The following MPDZ variants were observed in gnomAD, a reference collection of about 807,000 sequenced individuals.
The protein encoded by MPDZ is multiple PDZ domain crumbs cell polarity complex component, also known as multiple PDZ domain protein.
MPDZ carries 234 observed loss-of-function variants against 239.1 expected under a neutral mutation model. That is an observed-to-expected ratio of 0.98 (90% CI 0.88 to 1.09). MPDZ has a LOEUF of 1.09. MPDZ is among the 50% of genes least tolerant of loss of function. MPDZ has a pLI of 0.00. For synonymous variants in MPDZ, 1,048 were observed against 881.3 expected, an observed-to-expected ratio of 1.19 and a Z score of -3.35; for missense variants, 3,175 against 2,510.0, an observed-to-expected ratio of 1.26 and a Z score of -5.66.
At chr9:13,133,940 G>C in intron 31 of MPDZ, 36 bp from the exon 32 acceptor site, 1 of 1,222,076 alleles carries the variant, frequency 8.2e-7, no homozygotes, top group Non-Finnish European at 1.1e-6. Flanking sequence ...AAGAGCAACT[G>C]AGTGTTAGGA....
intron 34 of MPDZ, 69 bp downstream of exon 34, chr9:13,126,447 A>C: frequency 9.6e-7 from 1 of 1,041,376 alleles, no homozygotes. Context: ...CTATGATCGC[A>C]GACACAAACA....
At position 13,108,965 on chromosome 9, in the gene MPDZ, G is replaced by A. The variant is rs765957875; in HGVS notation, c.6037C>T (p.Pro2013Ser). Reference sequence around the variant, plus strand: ...GCAAACACTGTTTTAACATAAATGGGTAAGTCTCCATGAGGGCTGCCATAT... The same window carrying A: ...GCAAACACTGTTTTAACATAAATGGATAAGTCTCCATGAGGGCTGCCATAT... ...GGYGSPHGDL[P>S]IYVKTVFAKG... The change falls in exon 46 of 47, where the codon CCC (proline) becomes TCC (serine). Residue 2013 changes from proline (P) to serine (S), a missense_variant. Transcript: ENST00000319217. The A allele has an allele frequency of 6.2e-7, 1 of 1,609,956 alleles. No individual in the cohort carries two copies. The highest frequency in any genetic ancestry group is 8.5e-7 in the Non-Finnish European group (1 of 1,177,876).
intron 32 of MPDZ, among the ~76,000 whole-genome samples, chr9:13,131,956 C>G (rs1367180539): frequency 6.6e-6 from 1 of 152,170 alleles, no homozygotes; most frequent in Non-Finnish European, 1.5e-5. Context: ...GGTTAATTGC[C>G]TCTTCTGTCT....
At chr9:13,165,300 C>T in intron 22 of MPDZ, 1 of 1,512,306 alleles carries the variant, frequency 6.6e-7, no homozygotes, top group Non-Finnish European at 8.9e-7. Flanking sequence ...TACAAAAGCA[C>T]AAAATTGTTT....
At position 13,137,946 on chromosome 9, in the gene MPDZ, C is replaced by T. The variant is rs761951178; in HGVS notation, c.4200+11G>A. 3.7e-6 allele frequency: 6 copies of T among 1,613,088 alleles called. No individual in the cohort carries two copies. In the African/African-American group the frequency reaches 4.0e-5, roughly 11 times the overall value. On this transcript the variant is annotated intron_variant, in intron 29 of 46. Coordinates refer to ENST00000319217, the MANE Select transcript of MPDZ (RefSeq NM_001378778.1). ...ACAAGAATAAATTCAAAATTTTCCA[C>T]AAAAACTTACCTCTAGAAGCTCATC...
intron 19 of MPDZ, 45 bp downstream of exon 19, chr9:13,183,373 A>T: frequency 6.6e-7 from 1 of 1,516,224 alleles, no homozygotes; most frequent in South Asian, 1.3e-5. Flanking sequence ...GGAAAATTAC[A>T]CACAAGACTT....
In MPDZ at chr9:13,196,215, G is replaced by A; in HGVS notation, c.1562C>T (p.Ser521Leu). 1 of 1,588,748 alleles carries A rather than the reference G, an allele frequency of 6.3e-7. No individual in the cohort carries two copies. The highest frequency in any genetic ancestry group is 8.6e-7 in the Non-Finnish European group (1 of 1,165,516). Reference sequence around the variant, plus strand: ...ATCTTCTATTTCTTCTATCTCAGCTGACAGTAATGGATACCCTGAAACAGT... The same window carrying A: ...ATCTTCTATTTCTTCTATCTCAGCTAACAGTAATGGATACCCTGAAACAGT... ...PTEEEGYPLLSAEIEEIEDAQ... is the reference protein window; with the variant it reads ...PTEEEGYPLLLAEIEEIEDAQ... The change falls in exon 13 of 47, where the codon TCA (serine) becomes TTA (leucine). Residue 521 changes from serine to leucine, a missense_variant. Coordinates refer to ENST00000319217, the MANE Select transcript of MPDZ (RefSeq NM_001378778.1).
At chr9:13,160,718 G>A (rs576202811) in intron 23 of MPDZ, among the ~76,000 whole-genome samples, 11 of 150,528 alleles carry the variant, frequency 7.3e-5, no homozygotes, top group East Asian at 4.0e-4. Context: ...GTATCCTTGG[G>A]TCCAACATCC....
intron 10 of MPDZ, 27 bp from the exon 11 acceptor site, chr9:13,206,126 G>C (rs1219505201): frequency 6.8e-7 from 1 of 1,477,606 alleles, no homozygotes; most frequent in East Asian, 2.3e-5. Flanking sequence ...AAAAAAGCAT[G>C]TTACATGTTA....
At chr9:13,254,823 G>A (rs1405409263) in intron 1 of MPDZ, among the ~76,000 whole-genome samples, 1 of 152,180 alleles carries the variant, frequency 6.6e-6, no homozygotes, top group Non-Finnish European at 1.5e-5. Context: ...AGCCTTTGGT[G>A]AGTCACAGTC....
chr9:13,117,572 T>A (rs1209850101), intron 39 of MPDZ, among the ~76,000 whole-genome samples: 2 of 150,798 alleles, frequency 1.3e-5, no homozygotes, highest in Non-Finnish European at 2.9e-5. Context: ...TTCAAACAAA[T>A]ACATGTTTGC....
At chr9:13,229,606 C>A (rs73647117) in intron 3 of MPDZ, among the ~76,000 whole-genome samples, 5,273 of 146,222 alleles carry the variant, frequency 0.036, 156 homozygotes, top group East Asian at 0.16. Flanking sequence ...ACACACACAC[C>A]CCCATCCACC....
intron 16 of MPDZ, 29 bp downstream of exon 16, chr9:13,190,084 TA>T: frequency 6.3e-7 from 1 of 1,585,956 alleles, no homozygotes; most frequent in Non-Finnish European, 8.6e-7. Context: ...AATAGGCCTT[TA>T]AAAATTGTTA....
At chr9:13,139,801 C>T in intron 28 of MPDZ, 186 bp downstream of exon 28, 1 of 678,250 alleles carries the variant, frequency 1.5e-6, no homozygotes, top group Non-Finnish European at 2.6e-6. Flanking sequence ...AAAGGAAGAG[C>T]ATGATTTCAT....
At chr9:13,126,918 T>C (rs1328298859) in intron 32 of MPDZ, 146 bp from the exon 33 acceptor site, 2 of 639,404 alleles carry the variant, frequency 3.1e-6, no homozygotes, top group East Asian at 2.8e-5. Context: ...ATCTTAGAAA[T>C]CTTGTCTTTT....
chr9:13,169,289 C>G (rs1332528461), intron 21 of MPDZ, among the ~76,000 whole-genome samples: 1 of 152,104 alleles, frequency 6.6e-6, no homozygotes, highest in South Asian at 2.1e-4. Flanking sequence ...GAAATGCAAT[C>G]TTAGCATGTA....
At chr9:13,125,870 T>C (rs1015147166) in intron 34 of MPDZ, among the ~76,000 whole-genome samples, 1 of 152,156 alleles carries the variant, frequency 6.6e-6, no homozygotes, top group African/African-American at 2.4e-5. Context: ...ATTTATGGGT[T>C]AAAGGATCTG....
intron 1 of MPDZ, 101 bp downstream of exon 1, chr9:13,279,299 A>ATCCCCGCCCCC (rs1564192602): frequency 1.3e-4 from 15 of 113,988 alleles, no homozygotes; most frequent in Non-Finnish European, 1.9e-4. Flanking sequence ...CCCCACCCCC[A>ATCCCCGCCCCC]AGCGCCGAGC....
intron 22 of MPDZ, among the ~76,000 whole-genome samples, chr9:13,166,759 G>A (rs566807832): frequency 3.9e-5 from 6 of 152,048 alleles, no homozygotes; most frequent in Non-Finnish European, 7.4e-5. Context: ...GGTAAATTCT[G>A]CTGAATCAGT....
Sources: allele counts gnomAD v4.1 joint callset (sites outside exome capture counted in the v4.1 genomes callset), GRCh38; gene constraint gnomAD v4.1.1; transcripts MANE v1.5; gene names NCBI Gene and HGNC (gene_info 2026-07-23, HGNC 2026-07-21).